Variants in RASSF8 observed in about 807,000 individuals in gnomAD.
RASSF8 encodes Ras association domain family member 8, also known as ras association domain-containing protein 8.
In RASSF8, 22 loss-of-function variants were observed where a neutral mutation model predicts 48.5. That is an observed-to-expected ratio of 0.45 (90% CI 0.32 to 0.65). The LOEUF is 0.65. Ranked by LOEUF, RASSF8 falls within the 30% of genes least tolerant of loss-of-function variation. RASSF8 has a pLI of 0.03. For missense variants in RASSF8, 418 were observed against 489.2 expected (o/e 0.85, Z 1.37); for synonymous variants, 127 against 171.5 (o/e 0.74, Z 2.03).
intron 1 of RASSF8, among the ~76,000 whole-genome samples, chr12:25,965,363 CTTT>C (rs11420016): frequency 8.6e-5 from 10 of 116,860 alleles, no homozygotes; most frequent in Admixed American, 1.9e-4. Context: ...TCCCAAATTT[CTTT>C]TTTTTTTTTT....
At chr12:26,029,203 G>A (rs1012755557) in intron 2 of RASSF8, among the ~76,000 whole-genome samples, 1 of 152,148 alleles carries the variant, frequency 6.6e-6, no homozygotes, top group Non-Finnish European at 1.5e-5. Flanking sequence ...AGCCTCTCAG[G>A]CTGTTTGCAG....
downstream of RASSF8, among the ~76,000 whole-genome samples, chr12:26,073,126 A>G (rs1056424802): frequency 2.0e-5 from 3 of 152,218 alleles, no homozygotes; most frequent in Admixed American, 2.0e-4. Flanking sequence ...AGATTTCCCT[A>G]AAACCATAAG....
In RASSF8 at chr12:26,065,085, C is replaced by G; in HGVS notation, c.691C>G (p.Gln231Glu). The G allele has an allele frequency of 6.2e-7, 1 of 1,613,912 alleles. No individual in the cohort carries two copies. Among genetic ancestry groups the G allele is most frequent in the Admixed American group, 1.7e-5 (1 of 60,006 alleles). The stretch of plus-strand genomic sequence containing the variant: ...GGAAGAATTCTGGGAAAATGAATTA[C>G]AGATTGAACAGGAAAATGAAAAACA... ...EEEEFWENEL[Q>E]IEQENEKQLK... Residue 231 changes from glutamine to glutamate, a missense_variant, in exon 4 of 6, where the codon CAG becomes GAG. By Grantham distance (29) the Gln-to-Glu change is conservative. Transcript: ENST00000689635.
At chr12:26,002,066 G>T (rs1212938918) in intron 2 of RASSF8, among the ~76,000 whole-genome samples, 1 of 152,212 alleles carries the variant, frequency 6.6e-6, no homozygotes, top group African/African-American at 2.4e-5. Flanking sequence ...GGGGCTATAT[G>T]TGGTCCATCG....
At chr12:26,003,448 A>AAGTG (rs914228115) in intron 2 of RASSF8, among the ~76,000 whole-genome samples, 2 of 152,160 alleles carry the variant, frequency 1.3e-5, no homozygotes, top group African/African-American at 4.8e-5. Context: ...TGGGAGAAGT[A>AAGTG]AGGTAAGAAT....
At chr12:26,052,661 G>A (rs2137224572) in intron 2 of RASSF8, 1 of 152,350 alleles carries the variant, frequency 6.6e-6, no homozygotes, top group East Asian at 1.9e-4. Context: ...AACTGTTGGA[G>A]TTGATATAAA....
chr12:26,073,746 T>C (rs1944039990), downstream of RASSF8, among the ~76,000 whole-genome samples: 1 of 46,346 alleles, frequency 2.2e-5, no homozygotes, highest in Non-Finnish European at 5.0e-5. Context: ...TCTCTCTCTC[T>C]ATACACACAC....
Position 26,025,468 on chromosome 12 carries a change from A to C in RASSF8, c.-108-29768A>C, listed in dbSNP as rs575496771. ...GGTACTCGGGACGGCAGGCTGAGGC[A>C]GGAGAATGGCGTGAACCCGGGAGAT... On this transcript the variant is annotated intron_variant, in intron 2 of 5. Transcript: ENST00000689635. Among the ~76,000 whole-genome samples, 444 of 151,590 alleles carry C rather than the reference A, an allele frequency of 2.9e-3. 1 individual carries two copies. The highest frequency in any genetic ancestry group is 4.5e-3 in the Non-Finnish European group (305 of 67,890).
intron 1 of RASSF8, among the ~76,000 whole-genome samples, chr12:25,988,719 C>T (rs1054695782): frequency 1.3e-5 from 2 of 152,146 alleles, no homozygotes; most frequent in Non-Finnish European, 2.9e-5. Flanking sequence ...CCTGGCCTTC[C>T]TCTGGTTCTC....
intron 2 of RASSF8, among the ~76,000 whole-genome samples, chr12:26,040,455 T>C (rs757015644): frequency 6.6e-6 from 1 of 152,148 alleles, no homozygotes; most frequent in African/African-American, 2.4e-5. Context: ...GGAGGAAAAG[T>C]ATTTTGTTCT....
chr12:26,028,339 T>TTG (rs1422534798), intron 2 of RASSF8, among the ~76,000 whole-genome samples: 1 of 152,234 alleles, frequency 6.6e-6, no homozygotes, highest in Non-Finnish European at 1.5e-5. Flanking sequence ...TGATGATGTG[T>TTG]GATAACCTTA....
In RASSF8 at chr12:26,070,620, G is replaced by T. The variant is rs554335767; in HGVS notation, c.*1802G>T. On this transcript the variant is annotated 3_prime_UTR_variant, in exon 6 of 6. Coordinates refer to ENST00000689635, the MANE Select transcript of RASSF8 (RefSeq NM_001394098.1). ...ATCTACCTATATTTAAAATTAGGATGATTAAAAAATAATTTATAGATTTTG... is the reference window on the plus strand; with the variant it reads ...ATCTACCTATATTTAAAATTAGGATTATTAAAAAATAATTTATAGATTTTG... The T allele has an allele frequency of 2.3e-5, 22 of 955,116 alleles. No homozygotes were observed. The East Asian group carries it at 1.2e-3, about 50-fold the overall frequency. The allele number at this position is 955,116 out of a possible 1,614,324, so 59.2% of individuals were successfully genotyped here.
At chr12:26,053,353 T>C (rs1943534782) in intron 2 of RASSF8, among the ~76,000 whole-genome samples, 1 of 152,172 alleles carries the variant, frequency 6.6e-6, no homozygotes, top group East Asian at 1.9e-4. Flanking sequence ...TACAAAAATT[T>C]AATAAAGCAA....
intron 2 of RASSF8, among the ~76,000 whole-genome samples, chr12:26,048,965 C>G (rs569484430): frequency 6.6e-6 from 1 of 152,098 alleles, no homozygotes; most frequent in Non-Finnish European, 1.5e-5. Context: ...ACCATATTGG[C>G]CAGGCCGGTC....
At chr12:25,978,904 T>G (rs763629999) in intron 1 of RASSF8, among the ~76,000 whole-genome samples, 5 of 152,046 alleles carry the variant, frequency 3.3e-5, no homozygotes, top group Non-Finnish European at 7.4e-5. Context: ...TGCCCACTAT[T>G]GGATGTTAGA....
intron 2 of RASSF8, among the ~76,000 whole-genome samples, chr12:26,032,953 G>A (rs1002192236): frequency 4.6e-5 from 7 of 152,190 alleles, no homozygotes; most frequent in African/African-American, 1.7e-4. Context: ...TACATAATCA[G>A]TTAAAAGAAA....
chr12:26,069,445 T>C lies in RASSF8; in HGVS notation c.*627T>C. The C allele has an allele frequency of 1.0e-6, 1 of 985,434 alleles. No homozygotes were observed. Among genetic ancestry groups the C allele is most frequent in the Non-Finnish European group, 1.2e-6 (1 of 829,918 alleles). The allele number at this position is 985,434 out of a possible 1,614,324, so 61.0% of individuals were successfully genotyped here. Reference sequence around the variant, plus strand: ...TTCAGGGTTTTTTAAATCTGGAATTTAGTCGTTCCTTTACAATATTTCCAA... The same window carrying C: ...TTCAGGGTTTTTTAAATCTGGAATTCAGTCGTTCCTTTACAATATTTCCAA... On this transcript the variant is annotated 3_prime_UTR_variant, in exon 6 of 6. Coordinates refer to ENST00000689635, the MANE Select transcript of RASSF8 (RefSeq NM_001394098.1).
chr12:25,995,843 A>T (rs1370370742), intron 2 of RASSF8, among the ~76,000 whole-genome samples: 3 of 152,194 alleles, frequency 2.0e-5, no homozygotes, highest in African/African-American at 7.2e-5. Context: ...CACACTTTAC[A>T]GGTAAATAAA....
intron 1 of RASSF8, among the ~76,000 whole-genome samples, chr12:25,968,430 C>T (rs1941408841): frequency 6.6e-6 from 1 of 152,224 alleles, no homozygotes; most frequent in South Asian, 2.1e-4. Context: ...GCAGCCCCCG[C>T]CTCCCGGGCT....
Sources: gnomAD v4.1 joint callset for allele counts (sites outside exome capture counted in the v4.1 genomes callset) on GRCh38, gnomAD v4.1.1 for gene constraint, MANE v1.5 for transcripts, NCBI Gene and HGNC (gene_info 2026-07-23, HGNC 2026-07-21) for gene names.